Variants in PDE8A observed in about 807,000 individuals in gnomAD.
PDE8A encodes high affinity cAMP-specific and IBMX-insensitive 3',5'-cyclic phosphodiesterase 8A.
In PDE8A, 59 loss-of-function variants were observed where a neutral mutation model predicts 105.0. The observed-to-expected ratio is 0.56, with a 90% CI of 0.46 to 0.70. The LOEUF is 0.70. PDE8A is among the 30% of genes least tolerant of loss of function. The pLI is 0.00. For missense variants in PDE8A, 1,014 were observed against 1,045.9 expected (o/e 0.97, Z 0.42); for synonymous variants, 355 against 371.9 (o/e 0.95, Z 0.52).
intron 20 of PDE8A, among the ~76,000 whole-genome samples, chr15:85,135,713 T>C (rs1567309732): frequency 6.6e-6 from 1 of 152,178 alleles, no homozygotes; most frequent in South Asian, 2.1e-4. Context: ...TCCAGCACCA[T>C]TGGGCCAAAA....
At chr15:85,124,510 G>A (rs1295694548) in intron 19 of PDE8A, among the ~76,000 whole-genome samples, 1 of 152,152 alleles carries the variant, frequency 6.6e-6, no homozygotes, top group Admixed American at 6.5e-5. Flanking sequence ...TCGCAGGCTA[G>A]GATCATAATT....
chr15:85,103,292 G>T (rs187685112), intron 11 of PDE8A, among the ~76,000 whole-genome samples: 1 of 152,360 alleles, frequency 6.6e-6, no homozygotes, highest in East Asian at 1.9e-4. Context: ...CTGAGAGGCA[G>T]AGTCAGTGAT....
chr15:84,988,164 G>C (rs1276038842), intron 1 of PDE8A, among the ~76,000 whole-genome samples: 1 of 152,168 alleles, frequency 6.6e-6, no homozygotes, highest in African/African-American at 2.4e-5. Context: ...AGACACCAGA[G>C]GTTAGAAACT....
chr15:85,086,474 GATTA>G (rs1365174103), intron 6 of PDE8A, among the ~76,000 whole-genome samples: 2 of 152,098 alleles, frequency 1.3e-5, no homozygotes, highest in Non-Finnish European at 2.9e-5. Context: ...GAAGAGCTTT[GATTA>G]ATCAATTGAA....
intron 16 of PDE8A, 126 bp downstream of exon 16, chr15:85,116,245 G>A (rs1254430585): frequency 2.1e-6 from 2 of 942,652 alleles, no homozygotes; most frequent in Admixed American, 5.1e-5. Context: ...TAAGGAAGGA[G>A]TAACAGGGCA....
intron 12 of PDE8A, among the ~76,000 whole-genome samples, chr15:85,109,599 G>A (rs2081993246): frequency 6.6e-6 from 1 of 152,220 alleles, no homozygotes; most frequent in Non-Finnish European, 1.5e-5. Flanking sequence ...TGCATGGTCT[G>A]AATGACTTAG....
intron 11 of PDE8A, among the ~76,000 whole-genome samples, chr15:85,105,543 T>G (rs2081935374): frequency 6.6e-6 from 1 of 152,158 alleles, no homozygotes; most frequent in Non-Finnish European, 1.5e-5. Flanking sequence ...GGGTACTGAT[T>G]GGTTATCCTC....
At chr15:85,003,780 AT>A (rs1282227563) in intron 1 of PDE8A, among the ~76,000 whole-genome samples, 3 of 152,178 alleles carry the variant, frequency 2.0e-5, no homozygotes, top group Non-Finnish European at 4.4e-5. Context: ...CCTAAGAGAT[AT>A]TTAATTACCC....
chr15:85,057,677 C>T (rs1008296179), intron 1 of PDE8A, among the ~76,000 whole-genome samples: 4 of 152,154 alleles, frequency 2.6e-5, no homozygotes, highest in African/African-American at 7.2e-5. Flanking sequence ...CTCCTGTGCT[C>T]GTACATGGCT....
intron 1 of PDE8A, among the ~76,000 whole-genome samples, chr15:85,007,329 C>A (rs1372523710): frequency 6.6e-6 from 1 of 151,338 alleles, no homozygotes; most frequent in Admixed American, 6.6e-5. Flanking sequence ...AAGAAGCAGC[C>A]AGCCACAGTA....
intron 1 of PDE8A, among the ~76,000 whole-genome samples, chr15:85,057,505 T>A (rs1183614283): frequency 6.6e-6 from 1 of 152,130 alleles, no homozygotes; most frequent in African/African-American, 2.4e-5. Context: ...GCGATGCCCC[T>A]CCCTGCTCTG....
At chr15:85,074,308 C>T (rs1485068098) in intron 3 of PDE8A, among the ~76,000 whole-genome samples, 1 of 152,240 alleles carries the variant, frequency 6.6e-6, no homozygotes, top group Admixed American at 6.5e-5. Context: ...CTTTGTGCTA[C>T]AGTGGTAGAG....
intron 2 of PDE8A, among the ~76,000 whole-genome samples, 180 bp from the exon 3 acceptor site, chr15:85,066,834 A>G (rs1286807591): frequency 6.6e-6 from 1 of 151,886 alleles, no homozygotes; most frequent in Non-Finnish European, 1.5e-5. Context: ...ACTACTCGGC[A>G]GGGCTGAGGT....
chr15:85,017,287 A>G (rs531691693), intron 1 of PDE8A, among the ~76,000 whole-genome samples: 187 of 152,070 alleles, frequency 1.2e-3, no homozygotes, highest in African/African-American at 4.3e-3. Context: ...TAAATAAATG[A>G]AGCCTGTTGA....
chr15:85,086,297 C>T (rs910915764), intron 6 of PDE8A, among the ~76,000 whole-genome samples: 7 of 152,132 alleles, frequency 4.6e-5, no homozygotes, highest in Admixed American at 4.6e-4. Flanking sequence ...ATAAAAGCCA[C>T]ATTTTATAAA....
At chr15:85,129,799 T>C (rs1239057771) in intron 20 of PDE8A, among the ~76,000 whole-genome samples, 5 of 152,354 alleles carry the variant, frequency 3.3e-5, no homozygotes. Context: ...TAAAATCTTG[T>C]AGGCATTTAC....
At chr15:85,035,497 A>G (rs991961442) in intron 1 of PDE8A, among the ~76,000 whole-genome samples, 9 of 152,076 alleles carry the variant, frequency 5.9e-5, no homozygotes, top group Non-Finnish European at 1.3e-4. Context: ...GGCGTGAGCC[A>G]CCGCGCCGGG....
At chr15:85,130,627 A>G (rs1035093019) in intron 20 of PDE8A, among the ~76,000 whole-genome samples, 1 of 152,156 alleles carries the variant, frequency 6.6e-6, no homozygotes, top group African/African-American at 2.4e-5. Flanking sequence ...TCATTGTTCT[A>G]TTCATTATAA....
At chr15:85,007,570 G>A (rs193142621) in intron 1 of PDE8A, among the ~76,000 whole-genome samples, 52 of 151,920 alleles carry the variant, frequency 3.4e-4, no homozygotes, top group Non-Finnish European at 6.3e-4. Flanking sequence ...CACATACTTC[G>A]GTGCCCCACC....
Sources: allele counts gnomAD v4.1 joint callset (sites outside exome capture counted in the v4.1 genomes callset), GRCh38; gene constraint gnomAD v4.1.1; transcripts MANE v1.5; gene names NCBI Gene and HGNC (gene_info 2026-07-23, HGNC 2026-07-21).